Variants in SHROOM3 observed in about 807,000 individuals in gnomAD.
The protein encoded by SHROOM3 is protein Shroom3.
In SHROOM3, 47 loss-of-function variants were observed where a neutral mutation model predicts 138.6. The observed-to-expected ratio is 0.34, with a 90% CI of 0.27 to 0.43. SHROOM3 has a LOEUF of 0.43. Ranked by LOEUF, SHROOM3 falls within the 20% of genes least tolerant of loss-of-function variation. The probability of loss-of-function intolerance (pLI) is 1.00; values close to 1 mark genes in which losing one functional copy is unlikely to be tolerated. For synonymous variants in SHROOM3, 1,062 were observed against 1,063.3 expected (o/e 1.00, Z 0.02); for missense variants, 2,491 against 2,596.5 (o/e 0.96, Z 0.88).
intron 2 of SHROOM3, among the ~76,000 whole-genome samples, chr4:76,589,214 TC>T (rs1269813607): frequency 6.6e-6 from 1 of 152,218 alleles, no homozygotes; most frequent in Non-Finnish European, 1.5e-5. Flanking sequence ...ACGCCTGTAA[TC>T]CCAGCACTTT....
At chr4:76,682,642 G>GA (rs112434775) in intron 2 of SHROOM3, among the ~76,000 whole-genome samples, 66 of 141,592 alleles carry the variant, frequency 4.7e-4, no homozygotes, top group Admixed American at 7.7e-4. Flanking sequence ...AGGTAAGAAG[G>GA]AAAAAAAAAA....
chr4:76,770,902 G>T lies in SHROOM3; in HGVS notation c.5622+4G>T. On this transcript the variant is annotated splice_donor_region_variant and intron_variant, in intron 10 of 10. Coordinates refer to ENST00000296043, the MANE Select transcript of SHROOM3 (RefSeq NM_020859.4). ...AGATGCCAGTAATGAAGAAAGGGTAGGTGGCCTAGTGATGCAGTTCAACAA... is the reference window on the plus strand; with the variant it reads ...AGATGCCAGTAATGAAGAAAGGGTATGTGGCCTAGTGATGCAGTTCAACAA... The T allele has an allele frequency of 6.2e-7, 1 of 1,614,180 alleles. No individual in the cohort carries two copies. Among genetic ancestry groups the T allele is most frequent in the Non-Finnish European group, 8.5e-7 (1 of 1,180,038 alleles).
At chr4:76,438,440 T>A (rs2109962101) in intron 1 of SHROOM3, among the ~76,000 whole-genome samples, 1 of 152,340 alleles carries the variant, frequency 6.6e-6, no homozygotes, top group Non-Finnish European at 1.5e-5. Flanking sequence ...TCTATTTCAA[T>A]TAAAGGTAAC....
chr4:76,457,798 C>CT (rs1186099037), intron 1 of SHROOM3, among the ~76,000 whole-genome samples: 3,050 of 137,982 alleles, frequency 0.022, 60 homozygotes, highest in African/African-American at 0.053. Context: ...CTTTTCTTTT[C>CT]TTTTTTTTTT....
rs563398394 is a variant in SHROOM3, at chr4:76,646,813, T to TG, written c.324-63342dup. Among the ~76,000 whole-genome samples the TG allele has an allele frequency of 7.2e-5, 11 of 152,262 alleles. No homozygotes were observed. The South Asian group carries it at 1.7e-3, about 23-fold the overall frequency. ...CAGAGAAAAGGCAACTCTTATACAC[T>TG]GTTGGTGGGAGCGTAAATTAGTCCA... On this transcript the variant is annotated intron_variant, in intron 2 of 10. Transcript: ENST00000296043.
At chr4:76,503,541 GCC>G (rs1428475343) in intron 1 of SHROOM3, among the ~76,000 whole-genome samples, 2 of 152,084 alleles carry the variant, frequency 1.3e-5, no homozygotes, top group Admixed American at 1.3e-4. Context: ...CAATTCTCAT[GCC>G]TCAGCCTCCC....
At chr4:76,481,802 C>T (rs1259824288) in intron 1 of SHROOM3, among the ~76,000 whole-genome samples, 2 of 152,126 alleles carry the variant, frequency 1.3e-5, no homozygotes, top group African/African-American at 2.4e-5. Flanking sequence ...AAAGCTTATC[C>T]ACCACAATCA....
chr4:76,771,959 C>T (rs984794034), intron 10 of SHROOM3, among the ~76,000 whole-genome samples: 3 of 152,102 alleles, frequency 2.0e-5, no homozygotes, highest in Non-Finnish European at 4.4e-5. Context: ...TGATACTGAA[C>T]AACAAACAGT....
chr4:76,507,045 C>A (rs891622694), intron 1 of SHROOM3, among the ~76,000 whole-genome samples: 2 of 152,016 alleles, frequency 1.3e-5, no homozygotes, highest in Non-Finnish European at 2.9e-5. Context: ...GTCAAATAAG[C>A]CTGAACTCTT....
At chr4:76,585,687 G>A (rs879772169) in intron 2 of SHROOM3, among the ~76,000 whole-genome samples, 6 of 152,070 alleles carry the variant, frequency 3.9e-5, no homozygotes, top group Non-Finnish European at 7.4e-5. Context: ...CTTTTTTTAT[G>A]AGCAGCATCT....
chr4:76,470,829 C>A (rs1046058423), intron 1 of SHROOM3, among the ~76,000 whole-genome samples: 3 of 152,128 alleles, frequency 2.0e-5, no homozygotes, highest in African/African-American at 7.2e-5. Context: ...ATTTAGCATG[C>A]CACATTTCAA....
At chr4:76,572,790 A>G (rs1733858515) in intron 2 of SHROOM3, among the ~76,000 whole-genome samples, 1 of 152,200 alleles carries the variant, frequency 6.6e-6, no homozygotes, top group Non-Finnish European at 1.5e-5. Flanking sequence ...CTTATGAAAT[A>G]TGAACACAGG....
At chr4:76,467,045 G>GT (rs56163246) in intron 1 of SHROOM3, among the ~76,000 whole-genome samples, 46,679 of 144,408 alleles carry the variant, frequency 0.32, 8,129 homozygotes, top group East Asian at 0.64. Context: ...ACCCAGAAAA[G>GT]TTTTTTTTTT....
chr4:76,760,633 C>T (rs894848615), intron 9 of SHROOM3, among the ~76,000 whole-genome samples: 6 of 152,170 alleles, frequency 3.9e-5, no homozygotes, highest in African/African-American at 1.4e-4. Flanking sequence ...CAGAGGGTAA[C>T]TGGACAGGAG....
rs527778041 is a variant in SHROOM3, at chr4:76,730,827, C to A, written c.479C>A (p.Pro160His). The change falls in exon 4 of 11, where the codon CCT (proline) becomes CAT (histidine). Residue 160 changes from proline (P) to histidine (H), a missense_variant. Physicochemically the swap from Pro to His is moderately conservative, Grantham distance 77 (BLOSUM62 -2). Coordinates refer to ENST00000296043, the MANE Select transcript of SHROOM3 (RefSeq NM_020859.4). ...KHRRSEPAGR[P>H]HSWHTTKSGE... is the part of the protein sequence containing the mutation. ...AGGCGCAGTGAGCCTGCAGGCCGAC[C>A]TCACTCGTGGCACACAACTAAATCT... 5.0e-6 allele frequency: 8 copies of A among 1,614,092 alleles called. No homozygotes were observed. The Admixed American group carries it at 5.0e-5, about 10-fold the overall frequency.
intron 1 of SHROOM3, among the ~76,000 whole-genome samples, chr4:76,480,029 A>C (rs900632367): frequency 2.0e-5 from 3 of 152,212 alleles, no homozygotes; most frequent in Admixed American, 2.0e-4. Flanking sequence ...AAACATACCA[A>C]ATTGTAAAGG....
Position 76,731,737 on chromosome 4 carries a change from C to T in SHROOM3, c.587+802C>T, listed in dbSNP as rs181376622. 5.3e-3 allele frequency among the ~76,000 whole-genome samples: 797 copies of T among 151,306 alleles called. 3 individuals carry two copies. Among genetic ancestry groups the T allele is most frequent in the Non-Finnish European group, 8.4e-3 (573 of 67,840 alleles). ...TGGAGGTTGCAGTGAGCTCAGATCA[C>T]GCCACTGCACTCCAACCTGGGTGAC... On this transcript the variant is annotated intron_variant, in intron 4 of 10. Coordinates refer to ENST00000296043, the MANE Select transcript of SHROOM3 (RefSeq NM_020859.4).
chr4:76,778,986 G>A lies in SHROOM3; in HGVS notation c.5800G>A (p.Glu1934Lys). The A allele has an allele frequency of 1.2e-6, 2 of 1,614,150 alleles. No individual in the cohort carries two copies. The highest frequency in any genetic ancestry group is 1.7e-6 in the Non-Finnish European group (2 of 1,180,040). ...GAAAATGAAGTCCACGCTCCTCATT[G>A]AGCAACGGAAGCTGGATGACAAGAT... Reference protein sequence around the residue: ...FVKMKSTLLIEQRKLDDKIKL... With the variant: ...FVKMKSTLLIKQRKLDDKIKL... Residue 1934 changes from glutamate (E) to lysine (K), a missense_variant, in exon 11 of 11, where the codon GAG (glutamate) becomes AAG (lysine). Glu to Lys is a moderately conservative substitution (Grantham distance 56). Around this residue, in one of 4 missense-constraint regions of SHROOM3, gnomAD observed 470 missense variants for 595.0 expected, o/e 0.79. Transcript: ENST00000296043.
chr4:76,734,489 T>C (rs906768756), intron 4 of SHROOM3, among the ~76,000 whole-genome samples: 2 of 151,996 alleles, frequency 1.3e-5, no homozygotes, highest in Non-Finnish European at 2.9e-5. Flanking sequence ...TTTTGTGCTC[T>C]ATGTTTTAAA....
Sources: allele counts gnomAD v4.1 joint callset (sites outside exome capture counted in the v4.1 genomes callset), GRCh38; gene constraint gnomAD v4.1.1; regional missense constraint gnomAD v4.1.1; transcripts MANE v1.5; gene names NCBI Gene and HGNC (gene_info 2026-07-23, HGNC 2026-07-21).